The following CNTNAP2 variants were observed in gnomAD, a reference collection of about 807,000 sequenced individuals.
CNTNAP2 encodes contactin-associated protein-like 2.
Under a neutral mutation model 155.2 loss-of-function variants are expected in CNTNAP2, and 98 were observed. The observed-to-expected ratio is 0.63, with a 90% CI of 0.54 to 0.75. CNTNAP2 has a LOEUF of 0.75. CNTNAP2 is among the 30% of genes least tolerant of loss of function. The pLI is 0.00. For synonymous variants in CNTNAP2, 651 were observed against 631.2 expected (o/e 1.03, Z -0.47); for missense variants, 1,727 against 1,688.1 (o/e 1.02, Z -0.40).
At chr7:148,340,564 G>T (rs1798210145) in intron 21 of CNTNAP2, among the ~76,000 whole-genome samples, 1 of 152,226 alleles carries the variant, frequency 6.6e-6, no homozygotes, top group Admixed American at 6.5e-5. Context: ...AGTCCCACTG[G>T]CAGTGTGTGG....
rs74988684 is a variant in CNTNAP2, at chr7:147,238,893, G to T, written c.1349-61248G>T. ...TGTTTCTAGAAGATTTGATTCAAAGGTTTGTTCTTATTTCTGGCTTCAATA... is the reference window on the plus strand; with the variant it reads ...TGTTTCTAGAAGATTTGATTCAAAGTTTTGTTCTTATTTCTGGCTTCAATA... On this transcript the variant is annotated intron_variant, in intron 8 of 23. Transcript: ENST00000361727. 5.0e-3 allele frequency among the ~76,000 whole-genome samples: 760 copies of T among 152,216 alleles called. 4 individuals carry two copies. The highest frequency in any genetic ancestry group is 0.018 in the African/African-American group (728 of 41,560).
chr7:148,157,375 A>C (rs1805418325), intron 17 of CNTNAP2, among the ~76,000 whole-genome samples: 2 of 152,200 alleles, frequency 1.3e-5, no homozygotes, highest in Admixed American at 6.5e-5. Flanking sequence ...GGATGAATAA[A>C]TAAGTGATTG....
At chr7:147,812,524 T>C (rs1798197103) in intron 13 of CNTNAP2, among the ~76,000 whole-genome samples, 1 of 148,926 alleles carries the variant, frequency 6.7e-6, no homozygotes, top group Non-Finnish European at 1.5e-5. Flanking sequence ...AAAAAGTCAA[T>C]ACAGGACCTG....
chr7:147,644,437 A>C (rs1045760117), intron 13 of CNTNAP2, among the ~76,000 whole-genome samples: 1 of 152,194 alleles, frequency 6.6e-6, no homozygotes, highest in Non-Finnish European at 1.5e-5. Context: ...CCTGGCCAAC[A>C]TGGTGAAAAC....
rs973179806 is a variant in CNTNAP2 at position 147,299,993 on chromosome 7, C to T, written c.1349-148C>T. ...ACCACTTATGATGATGTTAAAGAGA[C>T]ATGAGACGTCAGTTTGAATTGTAAG... On this transcript the variant is annotated intron_variant, in intron 8 of 23. Coordinates refer to ENST00000361727, the MANE Select transcript of CNTNAP2 (RefSeq NM_014141.6). 5.1e-6 allele frequency: 4 copies of T among 780,330 alleles called. No individual in the cohort carries two copies. The African/African-American group carries it at 5.2e-5, about 10-fold the overall frequency. 48.3% of individuals were successfully genotyped at this position (780,330 alleles called of 1,614,324 possible).
intron 11 of CNTNAP2, among the ~76,000 whole-genome samples, chr7:147,550,262 T>C (rs954675093): frequency 6.6e-6 from 1 of 152,170 alleles, no homozygotes; most frequent in African/African-American, 2.4e-5. Flanking sequence ...AAATCTCACC[T>C]TAAATTGTAA....
chr7:148,063,681 T>TCTG (rs1352175957), intron 15 of CNTNAP2, among the ~76,000 whole-genome samples: 1 of 151,980 alleles, frequency 6.6e-6, no homozygotes, highest in Non-Finnish European at 1.5e-5. Flanking sequence ...CTTTGGGTTG[T>TCTG]CTGTTTACTC....
intron 13 of CNTNAP2, among the ~76,000 whole-genome samples, chr7:147,750,391 T>C (rs1035361946): frequency 1.3e-5 from 2 of 152,334 alleles, no homozygotes; most frequent in African/African-American, 4.8e-5. Flanking sequence ...ATTGGATTAT[T>C]TCTCATTTGG....
At chr7:147,190,944 T>C (rs955062826) in intron 8 of CNTNAP2, among the ~76,000 whole-genome samples, 1 of 152,128 alleles carries the variant, frequency 6.6e-6, no homozygotes, top group Non-Finnish European at 1.5e-5. Flanking sequence ...TGTAAGCCCA[T>C]TATGGTTTCC....
intron 11 of CNTNAP2, among the ~76,000 whole-genome samples, chr7:147,489,268 T>A (rs1798564050): frequency 6.6e-6 from 1 of 152,170 alleles, no homozygotes. Flanking sequence ...ACTGCTCCCC[T>A]GAGGAGCCAG....
intron 13 of CNTNAP2, among the ~76,000 whole-genome samples, chr7:147,889,838 T>C (rs17170737): frequency 0.011 from 1,667 of 152,314 alleles, 87 homozygotes; most frequent in Admixed American, 0.091. Flanking sequence ...TTAAATAGCA[T>C]AATTAATAAC....
chr7:147,591,839 T>C (rs1800739759), intron 12 of CNTNAP2, among the ~76,000 whole-genome samples: 1 of 151,822 alleles, frequency 6.6e-6, no homozygotes, highest in South Asian at 2.1e-4. Context: ...TCTCATGCTG[T>C]CAGCTACAAC....
intron 1 of CNTNAP2, among the ~76,000 whole-genome samples, chr7:146,635,822 T>C (rs1799588647): frequency 6.7e-6 from 1 of 150,004 alleles, no homozygotes; most frequent in African/African-American, 2.4e-5. Flanking sequence ...AAAAAACAGT[T>C]GAGAAAATAT....
At chr7:146,288,297 CAAAA>C (rs570614933) in intron 1 of CNTNAP2, among the ~76,000 whole-genome samples, 3 of 91,246 alleles carry the variant, frequency 3.3e-5, no homozygotes. Flanking sequence ...GATCCTGCCT[CAAAA>C]AAAAAAAAAA....
intron 13 of CNTNAP2, among the ~76,000 whole-genome samples, chr7:147,817,377 T>G (rs540941640): frequency 6.6e-6 from 1 of 152,338 alleles, no homozygotes; most frequent in African/African-American, 2.4e-5. Context: ...ATATCACTGT[T>G]ATCTTGTGAG....
Position 146,920,071 on chromosome 7 carries a change from A to G in CNTNAP2, c.402+80167A>G, listed in dbSNP as rs1031319532. Among the ~76,000 whole-genome samples the G allele has an allele frequency of 2.0e-5, 3 of 152,314 alleles. No individual in the cohort carries two copies. In the South Asian group the frequency reaches 6.2e-4, roughly 32 times the overall value. ...TTTTATAAGCAGATAGAAAAGCCTG[A>G]CAAGGGGAAATATTACTAAGAGAGT... On this transcript the variant is annotated intron_variant, in intron 3 of 23. Transcript: ENST00000361727.
chr7:146,933,246 A>G (rs570304080), intron 3 of CNTNAP2, among the ~76,000 whole-genome samples: 13 of 152,164 alleles, frequency 8.5e-5, no homozygotes, highest in Admixed American at 7.8e-4. Context: ...AGAGATATAG[A>G]TCAATGGAAC....
At chr7:146,315,591 G>A (rs143360214) in intron 1 of CNTNAP2, among the ~76,000 whole-genome samples, 334 of 152,266 alleles carry the variant, frequency 2.2e-3, no homozygotes, top group African/African-American at 7.5e-3. Flanking sequence ...GTCTGTGGGA[G>A]GAGGGAGCAT....
chr7:148,310,975 G>A (rs1172899885), intron 21 of CNTNAP2, among the ~76,000 whole-genome samples: 1 of 152,142 alleles, frequency 6.6e-6, no homozygotes, highest in Non-Finnish European at 1.5e-5. Flanking sequence ...GAGATGAAGA[G>A]TAAAGGAACA....
Sources: gnomAD v4.1 joint callset for allele counts (sites outside exome capture counted in the v4.1 genomes callset) on GRCh38, gnomAD v4.1.1 for gene constraint, MANE v1.5 for transcripts, NCBI Gene and HGNC (gene_info 2026-07-23, HGNC 2026-07-21) for gene names.